MAPK10: variants seen among roughly 807,000 people sequenced by gnomAD.
MAPK10 encodes the protein mitogen-activated protein kinase 10.
A neutral mutation model predicts 59.3 loss-of-function variants in MAPK10; 25 were observed. The observed-to-expected ratio is 0.42, with a 90% CI of 0.31 to 0.59. MAPK10 has a LOEUF of 0.59. MAPK10 is among the 20% of genes least tolerant of loss of function. MAPK10 has a pLI of 0.15. For synonymous variants in MAPK10, 190 were observed against 200.5 expected, an observed-to-expected ratio of 0.95 and a Z score of 0.44; for missense variants, 351 against 568.9, an observed-to-expected ratio of 0.62 and a Z score of 3.90.
chr4:86,289,133 G>A (rs2095134482), intron 2 of MAPK10, among the ~76,000 whole-genome samples: 1 of 152,120 alleles, frequency 6.6e-6, no homozygotes, highest in Non-Finnish European at 1.5e-5. Context: ...GCAGAGACAT[G>A]GATAAAGTGA....
chr4:86,062,311 C>T (rs1223652751), intron 11 of MAPK10, among the ~76,000 whole-genome samples: 5 of 152,134 alleles, frequency 3.3e-5, no homozygotes, highest in Admixed American at 3.3e-4. Context: ...TGCCTTGTTA[C>T]TATCCGTGCC....
intron 1 of MAPK10, among the ~76,000 whole-genome samples, chr4:86,416,888 C>T (rs931609349): frequency 2.6e-5 from 4 of 152,172 alleles, no homozygotes; most frequent in Admixed American, 6.5e-5. Context: ...GCTTTCCCCC[C>T]ACCATCTCAA....
chr4:86,423,904 G>C (rs1016623682), intron 1 of MAPK10, among the ~76,000 whole-genome samples: 1 of 151,258 alleles, frequency 6.6e-6, no homozygotes, highest in African/African-American at 2.4e-5. Flanking sequence ...GTGTTTTAAG[G>C]AAAGTAACCT....
In MAPK10 at chr4:86,291,516, A is replaced by C. The variant is rs989881200; in HGVS notation, c.-7+63014T>G. Among the ~76,000 whole-genome samples, 3 of 152,336 alleles carry C rather than the reference A, an allele frequency of 2.0e-5. No homozygotes were observed. In the South Asian group the frequency reaches 6.2e-4, roughly 32 times the overall value. On this transcript the variant is annotated intron_variant, in intron 2 of 13. Transcript: ENST00000641462. ...AAAAGTACAAGGTTTTATTTAAGCA[A>C]AGTAGTCAATGGAGCTATACACATT...
intron 9 of MAPK10, among the ~76,000 whole-genome samples, chr4:86,084,102 C>T (rs940186121): frequency 6.6e-6 from 1 of 152,106 alleles, no homozygotes; most frequent in Admixed American, 6.5e-5. Flanking sequence ...ACTTGCTGGC[C>T]TCAGGTGAGA....
At chr4:86,466,245 G>A (rs886842791) in intron 1 of MAPK10, among the ~76,000 whole-genome samples, 2 of 152,196 alleles carry the variant, frequency 1.3e-5, no homozygotes, top group African/African-American at 4.8e-5. Context: ...ACAGGCAGAG[G>A]TGCTGTGCAA....
chr4:86,465,782 A>T (rs1579311857), intron 1 of MAPK10, among the ~76,000 whole-genome samples: 1 of 151,806 alleles, frequency 6.6e-6, no homozygotes, highest in African/African-American at 2.4e-5. Flanking sequence ...GATCCTGAGG[A>T]CCCCCCAGTT....
At chr4:86,028,278 G>A (rs1338057749) in intron 13 of MAPK10, 1 of 152,088 alleles carries the variant, frequency 6.6e-6, no homozygotes, top group Non-Finnish European at 1.5e-5. Context: ...TTTGAGGAAG[G>A]GAAAAACTTG....
chr4:86,118,827 T>C (rs1470566289), intron 4 of MAPK10, among the ~76,000 whole-genome samples: 2 of 152,190 alleles, frequency 1.3e-5, no homozygotes, highest in Non-Finnish European at 2.9e-5. Flanking sequence ...TGGAGCATCT[T>C]AAACATCTTA....
chr4:86,570,854 G>A (rs1488787989), intron 1 of MAPK10, among the ~76,000 whole-genome samples: 1 of 152,146 alleles, frequency 6.6e-6, no homozygotes, highest in Middle Eastern at 3.2e-3. Context: ...AGAGGTTGGA[G>A]GAGGGTCTTT....
chr4:86,430,435 T>C (rs981550792), intron 1 of MAPK10, among the ~76,000 whole-genome samples: 1 of 152,190 alleles, frequency 6.6e-6, no homozygotes, highest in Non-Finnish European at 1.5e-5. Flanking sequence ...ATCCATTGTG[T>C]GTTTGGCCCT....
intron 1 of MAPK10, among the ~76,000 whole-genome samples, chr4:86,537,093 T>C (rs1758304143): frequency 6.6e-6 from 1 of 152,104 alleles, no homozygotes; most frequent in African/African-American, 2.4e-5. Context: ...GAAGAGGGAA[T>C]ACACACAATG....
At chr4:86,181,950 T>A (rs1029763389) in intron 3 of MAPK10, among the ~76,000 whole-genome samples, 1 of 152,124 alleles carries the variant, frequency 6.6e-6, no homozygotes, top group Non-Finnish European at 1.5e-5. Context: ...GTTTTTTAAA[T>A]TCATAGAGTG....
intron 1 of MAPK10, among the ~76,000 whole-genome samples, chr4:86,590,715 G>T (rs1442149417): frequency 6.6e-6 from 1 of 152,200 alleles, no homozygotes; most frequent in South Asian, 2.1e-4. Flanking sequence ...GAGCATAGGA[G>T]GTTGAGGCTG....
intron 1 of MAPK10, among the ~76,000 whole-genome samples, chr4:86,535,421 T>C (rs1167936101): frequency 6.6e-6 from 1 of 152,208 alleles, no homozygotes; most frequent in Non-Finnish European, 1.5e-5. Context: ...ATATATATTT[T>C]TTGAGACAAA....
intron 1 of MAPK10, among the ~76,000 whole-genome samples, chr4:86,460,585 T>C (rs539557881): frequency 1.3e-5 from 2 of 152,268 alleles, no homozygotes; most frequent in South Asian, 4.1e-4. Context: ...ATAAACAAAA[T>C]ATCTGCAGCA....
intron 1 of MAPK10, among the ~76,000 whole-genome samples, chr4:86,543,234 T>C (rs1758871001): frequency 6.6e-6 from 1 of 152,186 alleles, no homozygotes; most frequent in Non-Finnish European, 1.5e-5. Context: ...GCTATAGGAA[T>C]AACAGAGACC....
intron 1 of MAPK10, among the ~76,000 whole-genome samples, chr4:86,414,458 A>G (rs1306546118): frequency 6.6e-6 from 1 of 152,194 alleles, no homozygotes; most frequent in African/African-American, 2.4e-5. Flanking sequence ...ACTTTTCAAA[A>G]GTGTGTGATA....
At chr4:86,099,182 C>T (rs576392805) in intron 8 of MAPK10, 1 of 152,340 alleles carries the variant, frequency 6.6e-6, no homozygotes, top group East Asian at 1.9e-4. Flanking sequence ...TTAGCTTTTC[C>T]TTCAGAAGTT....
Sources: allele counts gnomAD v4.1 joint callset (sites outside exome capture counted in the v4.1 genomes callset), GRCh38; gene constraint gnomAD v4.1.1; transcripts MANE v1.5; gene names NCBI Gene and HGNC (gene_info 2026-07-23, HGNC 2026-07-21).